Variants in KCNH8 observed in about 807,000 individuals in gnomAD.
KCNH8 encodes the protein voltage-gated delayed rectifier potassium channel KCNH8.
Under a neutral mutation model 103.6 loss-of-function variants are expected in KCNH8, and 70 were observed. That is an observed-to-expected ratio of 0.68 (90% CI 0.56 to 0.82). The LOEUF (loss-of-function observed/expected upper bound fraction) is 0.82. KCNH8 is among the 40% of genes least tolerant of loss of function. The pLI, the probability that KCNH8 is intolerant of heterozygous loss-of-function variation, is 0.00. For synonymous variants in KCNH8, 498 were observed against 489.4 expected (o/e 1.02, Z -0.23); for missense variants, 1,217 against 1,329.9 (o/e 0.92, Z 1.32).
At chr3:19,419,190 T>TTTC (rs1559318800) in intron 7 of KCNH8, among the ~76,000 whole-genome samples, 4 of 104,892 alleles carry the variant, frequency 3.8e-5, no homozygotes, top group African/African-American at 1.3e-4. Flanking sequence ...ATTAAAATGG[T>TTTC]TTTGGTTTTT....
At chr3:19,227,072 T>C (rs2063940559) in intron 1 of KCNH8, among the ~76,000 whole-genome samples, 1 of 152,194 alleles carries the variant, frequency 6.6e-6, no homozygotes, top group African/African-American at 2.4e-5. Context: ...TGGAATTTAT[T>C]GTTTATACTC....
intron 1 of KCNH8, among the ~76,000 whole-genome samples, chr3:19,236,589 A>G (rs763344626): frequency 3.3e-5 from 5 of 152,182 alleles, no homozygotes; most frequent in Non-Finnish European, 5.9e-5. Context: ...GAACTGTGAC[A>G]CTCTAACCAT....
At chr3:19,243,237 G>A (rs936563266) in intron 1 of KCNH8, among the ~76,000 whole-genome samples, 7 of 152,244 alleles carry the variant, frequency 4.6e-5, no homozygotes, top group African/African-American at 1.7e-4. Flanking sequence ...GCATACACCT[G>A]TGTTGGTTTG....
At chr3:19,426,307 A>T (rs1371863607) in intron 7 of KCNH8, among the ~76,000 whole-genome samples, 3 of 152,128 alleles carry the variant, frequency 2.0e-5, no homozygotes, top group Non-Finnish European at 4.4e-5. Flanking sequence ...AACTTGCCAC[A>T]TGGAAATTAA....
intron 3 of KCNH8, among the ~76,000 whole-genome samples, chr3:19,308,787 CCTCTCTCT>C (rs57001260): frequency 5.1e-4 from 19 of 36,898 alleles, no homozygotes; most frequent in Non-Finnish European, 7.6e-4. Flanking sequence ...TCTCTCTCTC[CCTCTCTCT>C]CTCTCCCTTT....
chr3:19,478,234 G>T (rs536129446), intron 11 of KCNH8, among the ~76,000 whole-genome samples: 14 of 151,680 alleles, frequency 9.2e-5, no homozygotes, highest in Non-Finnish European at 2.1e-4. Flanking sequence ...GACTAGTGCT[G>T]CAATAAACTT....
intron 2 of KCNH8, among the ~76,000 whole-genome samples, chr3:19,273,636 G>A (rs895153253): frequency 6.6e-6 from 1 of 152,270 alleles, no homozygotes; most frequent in Admixed American, 6.5e-5. Context: ...ATACCGGGAG[G>A]CAGAAGCATG....
intron 15 of KCNH8, among the ~76,000 whole-genome samples, chr3:19,519,491 C>A (rs553413328): frequency 2.2e-4 from 33 of 151,060 alleles, no homozygotes; most frequent in African/African-American, 7.3e-4. Context: ...TCTGCACCTG[C>A]CCTCTCTGGA....
At chr3:19,363,175 A>G (rs977627417) in intron 5 of KCNH8, among the ~76,000 whole-genome samples, 3 of 152,166 alleles carry the variant, frequency 2.0e-5, no homozygotes, top group African/African-American at 7.2e-5. Flanking sequence ...AGCCAAGAGA[A>G]GGTCTCTTAA....
At chr3:19,383,669 A>G (rs1209648388) in intron 5 of KCNH8, among the ~76,000 whole-genome samples, 3 of 152,176 alleles carry the variant, frequency 2.0e-5, no homozygotes, top group Non-Finnish European at 4.4e-5. Context: ...CAATGCACCC[A>G]GCCAAGTGTT....
rs1027068389 is a variant in KCNH8, at chr3:19,393,489, CTG to C, written c.970-1613_970-1612del. On this transcript the variant is annotated intron_variant, in intron 6 of 15. Transcript: ENST00000328405. ...TTTCCGGTCAGAGAAAATGGGGAGACTGTATCAAAATTATGTGTGCAGATGCC... is the reference window on the plus strand; with the variant it reads ...TTTCCGGTCAGAGAAAATGGGGAGACTATCAAAATTATGTGTGCAGATGCC... Among the ~76,000 whole-genome samples, 15 of 152,128 alleles carry C rather than the reference CTG, an allele frequency of 9.9e-5. No homozygotes were observed. The Middle Eastern group carries it at 0.01, about 103-fold the overall frequency.
chr3:19,501,435 C>T (rs1329352263), intron 11 of KCNH8, among the ~76,000 whole-genome samples: 4 of 152,190 alleles, frequency 2.6e-5, no homozygotes, highest in African/African-American at 9.6e-5. Flanking sequence ...ATGAGGCCAG[C>T]ATCATCCTGA....
intron 3 of KCNH8, among the ~76,000 whole-genome samples, chr3:19,322,734 T>C (rs1278715600): frequency 6.6e-6 from 1 of 152,220 alleles, no homozygotes; most frequent in Middle Eastern, 3.2e-3. Context: ...TTTGGGTATC[T>C]AGATCTCTAG....
At chr3:19,272,532 G>A (rs1415495489) in intron 2 of KCNH8, among the ~76,000 whole-genome samples, 1 of 152,028 alleles carries the variant, frequency 6.6e-6, no homozygotes, top group Non-Finnish European at 1.5e-5. Flanking sequence ...ATGAGGAACT[G>A]CTTAGAACTG....
At chr3:19,200,505 T>C (rs2063646926) in intron 1 of KCNH8, among the ~76,000 whole-genome samples, 1 of 151,974 alleles carries the variant, frequency 6.6e-6, no homozygotes, top group Non-Finnish European at 1.5e-5. Context: ...CAGTTGTGAT[T>C]TCCACCTTTT....
At chr3:19,519,994 C>T (rs147217027) in intron 15 of KCNH8, among the ~76,000 whole-genome samples, 285 of 150,504 alleles carry the variant, frequency 1.9e-3, no homozygotes, top group Middle Eastern at 0.017. Context: ...CAATGTGAAT[C>T]GGGTAGATCC....
intron 1 of KCNH8, among the ~76,000 whole-genome samples, chr3:19,196,044 T>C (rs190712630): frequency 2.0e-5 from 3 of 152,156 alleles, no homozygotes; most frequent in Admixed American, 1.3e-4. Flanking sequence ...CAAGTTAGTT[T>C]ATTTTTCTTA....
In KCNH8 at chr3:19,456,869, A is replaced by G; in HGVS notation, c.1927A>G (p.Ile643Val). ...ALTYCDLQCIILKGLFEVLDL... is the reference protein window; with the variant it reads ...ALTYCDLQCIVLKGLFEVLDL... ...AACCTACTGTGATCTCCAGTGTATC[A>G]TCCTCAAAGGACTCTTTGAAGTGCT... The change falls in exon 11 of 16, where the codon ATC (isoleucine) becomes GTC (valine). Residue 643 changes from isoleucine (I) to valine (V), a missense_variant. Ile to Val is a conservative substitution (Grantham distance 29). Around this residue, in one of 3 missense-constraint regions of KCNH8, gnomAD observed 415 missense variants for 577.4 expected, o/e 0.72. Coordinates refer to ENST00000328405, the MANE Select transcript of KCNH8 (RefSeq NM_144633.3). 2 of 1,612,146 alleles carry G rather than the reference A, an allele frequency of 1.2e-6. No individual in the cohort carries two copies. Among genetic ancestry groups the G allele is most frequent in the Non-Finnish European group, 1.7e-6 (2 of 1,178,534 alleles).
intron 11 of KCNH8, among the ~76,000 whole-genome samples, chr3:19,509,898 G>T (rs1309458847): frequency 6.6e-6 from 1 of 151,710 alleles, no homozygotes; most frequent in African/African-American, 2.4e-5. Context: ...GATTAAATAA[G>T]AAATGATTTC....
Sources: allele counts gnomAD v4.1 joint callset (sites outside exome capture counted in the v4.1 genomes callset), GRCh38; gene constraint gnomAD v4.1.1; regional missense constraint gnomAD v4.1.1; transcripts MANE v1.5; gene names NCBI Gene and HGNC (gene_info 2026-07-23, HGNC 2026-07-21).